The following PIBF1 variants were observed in gnomAD, a reference collection of about 807,000 sequenced individuals.
PIBF1 encodes progesterone immunomodulatory binding factor 1, also known as progesterone-induced-blocking factor 1.
A neutral mutation model predicts 112.5 loss-of-function variants in PIBF1; 90 were observed. The ratio of observed to expected loss-of-function variants is 0.80; its 90% CI spans 0.67 to 0.95. PIBF1 has a LOEUF of 0.95. PIBF1 is among the 40% of genes least tolerant of loss of function. The pLI, the probability that PIBF1 is intolerant of heterozygous loss-of-function variation, is 0.00. For missense variants in PIBF1, 915 were observed against 852.3 expected (o/e 1.07, Z -0.92); for synonymous variants, 301 against 288.6 (o/e 1.04, Z -0.44).
rs920258314 is a variant in PIBF1 at position 72,882,891 on chromosome 13, A to G, written c.1323-10893A>G. 6.6e-5 allele frequency among the ~76,000 whole-genome samples: 10 copies of G among 152,346 alleles called. No individual in the cohort carries two copies. The East Asian group carries it at 1.7e-3, about 26-fold the overall frequency. On this transcript the variant is annotated intron_variant, in intron 10 of 17. Coordinates refer to ENST00000326291, the MANE Select transcript of PIBF1 (RefSeq NM_006346.4). ...GGAGAACAGTTTGGAGGTTCCTCAA[A>G]AAACTAAAAGTAGATTTATGCTGGA...
intron 14 of PIBF1, among the ~76,000 whole-genome samples, chr13:72,953,204 A>G (rs922130025): frequency 6.6e-6 from 1 of 152,132 alleles, no homozygotes; most frequent in Non-Finnish European, 1.5e-5. Context: ...ATCTCTTTTC[A>G]TCTGCAGGAA....
intron 11 of PIBF1, among the ~76,000 whole-genome samples, chr13:72,895,119 T>G (rs1199611466): frequency 6.6e-6 from 1 of 151,998 alleles, no homozygotes; most frequent in East Asian, 1.9e-4. Flanking sequence ...CAAGACTACA[T>G]CAAAAAAATT....
intron 14 of PIBF1, among the ~76,000 whole-genome samples, chr13:72,933,524 TG>T (rs1346827429): frequency 6.6e-6 from 1 of 152,204 alleles, no homozygotes; most frequent in African/African-American, 2.4e-5. Context: ...TAGCTGGGCA[TG>T]ATGGCACATG....
chr13:72,992,110 T>G (rs1377387460), intron 16 of PIBF1, among the ~76,000 whole-genome samples: 1 of 152,102 alleles, frequency 6.6e-6, no homozygotes, highest in Non-Finnish European at 1.5e-5. Flanking sequence ...GGAAGATAGC[T>G]TAAGCTGGGG....
At chr13:72,979,866 G>A (rs924790055) in intron 16 of PIBF1, among the ~76,000 whole-genome samples, 1 of 152,158 alleles carries the variant, frequency 6.6e-6, no homozygotes, top group African/African-American at 2.4e-5. Context: ...AGGTTGCAGT[G>A]AGCTGAGATT....
chr13:72,945,670 A>C (rs1206031671), intron 14 of PIBF1, among the ~76,000 whole-genome samples: 1 of 152,184 alleles, frequency 6.6e-6, no homozygotes, highest in Non-Finnish European at 1.5e-5. Context: ...AAACAAAGAA[A>C]AGCTTCAAAT....
At chr13:72,801,593 T>C (rs553743522) in intron 5 of PIBF1, among the ~76,000 whole-genome samples, 1 of 152,330 alleles carries the variant, frequency 6.6e-6, no homozygotes, top group African/African-American at 2.4e-5. Flanking sequence ...CTGTAGTACA[T>C]ACTTTACTAC....
At chr13:72,889,854 C>T (rs2039992891) in intron 10 of PIBF1, among the ~76,000 whole-genome samples, 1 of 152,128 alleles carries the variant, frequency 6.6e-6, no homozygotes, top group Admixed American at 6.6e-5. Flanking sequence ...CCTTAGAAAA[C>T]CTGTTTACCG....
chr13:72,867,374 A>G (rs1371149295), intron 10 of PIBF1, among the ~76,000 whole-genome samples: 1 of 152,216 alleles, frequency 6.6e-6, no homozygotes, highest in Non-Finnish European at 1.5e-5. Flanking sequence ...TATCAGCCAC[A>G]TGAAAATGGA....
intron 9 of PIBF1, among the ~76,000 whole-genome samples, chr13:72,850,915 A>G (rs997505613): frequency 1.2e-4 from 18 of 152,226 alleles, no homozygotes; most frequent in Admixed American, 9.2e-4. Flanking sequence ...AGTAACCCAC[A>G]AAAGTAGTTT....
chr13:72,826,874 T>C (rs2036834409), intron 6 of PIBF1, 136 bp from the exon 7 acceptor site: 1 of 461,616 alleles, frequency 2.2e-6, no homozygotes, highest in East Asian at 3.4e-5. Context: ...AGGTACTTTA[T>C]AGTTCATGGA....
At chr13:72,962,897 G>A (rs1397548170) in intron 14 of PIBF1, among the ~76,000 whole-genome samples, 4 of 152,144 alleles carry the variant, frequency 2.6e-5, no homozygotes, top group Non-Finnish European at 4.4e-5. Context: ...TAAAGTTACA[G>A]TCAGCAAAAC....
At chr13:72,825,090 C>A (rs2036741081) in intron 6 of PIBF1, among the ~76,000 whole-genome samples, 1 of 152,050 alleles carries the variant, frequency 6.6e-6, no homozygotes. Context: ...GAGACTAAAA[C>A]CCCATGACAT....
At chr13:72,851,855 C>G (rs1347577342) in intron 9 of PIBF1, among the ~76,000 whole-genome samples, 1 of 152,200 alleles carries the variant, frequency 6.6e-6, no homozygotes, top group African/African-American at 2.4e-5. Context: ...AACTGTGGGT[C>G]TCCTCTCAGC....
intron 8 of PIBF1, 51 bp from the exon 9 acceptor site, chr13:72,835,192 C>A: frequency 7.1e-7 from 1 of 1,415,066 alleles, no homozygotes; most frequent in Non-Finnish European, 9.4e-7. Context: ...AGTGCAAAAG[C>A]CTATTTGTTT....
At chr13:72,918,860 T>A (rs1370496757) in intron 13 of PIBF1, among the ~76,000 whole-genome samples, 2 of 151,804 alleles carry the variant, frequency 1.3e-5, no homozygotes, top group East Asian at 3.9e-4. Context: ...TGTGCCACCA[T>A]GCCTGGCTAA....
intron 10 of PIBF1, among the ~76,000 whole-genome samples, chr13:72,864,609 TA>T (rs1233324130): frequency 1.3e-5 from 2 of 152,084 alleles, no homozygotes; most frequent in African/African-American, 2.4e-5. Context: ...TCTGTTGCCA[TA>T]GGGGGAACTT....
intron 14 of PIBF1, among the ~76,000 whole-genome samples, chr13:72,949,692 A>G (rs1034113017): frequency 2.6e-5 from 4 of 152,148 alleles, no homozygotes; most frequent in African/African-American, 9.6e-5. Context: ...CAGTGCCCAA[A>G]TATATGTTGT....
chr13:72,914,389 C>A (rs373161018), intron 12 of PIBF1, among the ~76,000 whole-genome samples: 2 of 151,804 alleles, frequency 1.3e-5, no homozygotes, highest in African/African-American at 4.8e-5. Flanking sequence ...AAAAAAACAA[C>A]CTAGATTTCT....
Sources: gnomAD v4.1 joint callset for allele counts (sites outside exome capture counted in the v4.1 genomes callset) on GRCh38, gnomAD v4.1.1 for gene constraint, MANE v1.5 for transcripts, NCBI Gene and HGNC (gene_info 2026-07-23, HGNC 2026-07-21) for gene names.